Variants in LRFN5 observed in about 807,000 individuals in gnomAD.
LRFN5 encodes leucine rich repeat and fibronectin type III domain containing 5.
A neutral mutation model predicts 45.6 loss-of-function variants in LRFN5; 24 were observed. The observed-to-expected ratio is 0.53, with a 90% CI of 0.38 to 0.74. The LOEUF (loss-of-function observed/expected upper bound fraction) is 0.74. Ranked by LOEUF, LRFN5 falls within the 30% of genes least tolerant of loss-of-function variation. LRFN5 has a pLI of 0.00. For missense variants in LRFN5, 776 were observed against 861.5 expected, an observed-to-expected ratio of 0.90 and a Z score of 1.24; for synonymous variants, 340 against 313.8, an observed-to-expected ratio of 1.08 and a Z score of -0.88.
chr14:41,871,922 C>G (rs1355807619), intron 2 of LRFN5, among the ~76,000 whole-genome samples: 1 of 152,088 alleles, frequency 6.6e-6, no homozygotes, highest in East Asian at 1.9e-4. Flanking sequence ...TAACCAATAA[C>G]CATGTTGGTA....
chr14:41,891,605 T>C lies in LRFN5; in HGVS notation c.1741T>C (p.Cys581Arg). The change falls in exon 4 of 6, where the codon TGT becomes CGT. Residue 581 changes from cysteine (C) to arginine (R), a missense_variant. Transcript: ENST00000298119. The part of the protein sequence containing the change: ...SQTNGAQIQG[C>R]SVTLPQSVSK... ...AACTAACGGGGCTCAAATACAAGGCTGTAGTGTAACGCTGCCCCAGTCCGT... is the reference window on the plus strand; with the variant it reads ...AACTAACGGGGCTCAAATACAAGGCCGTAGTGTAACGCTGCCCCAGTCCGT... 1 of 1,614,198 alleles carries C rather than the reference T, an allele frequency of 6.2e-7. No homozygotes were observed. Among genetic ancestry groups the C allele is most frequent in the East Asian group, 2.2e-5 (1 of 44,880 alleles).
chr14:41,719,404 T>A (rs556828146), intron 1 of LRFN5, among the ~76,000 whole-genome samples: 28 of 151,286 alleles, frequency 1.9e-4, no homozygotes, highest in Admixed American at 1.8e-3. Context: ...TATATTCATA[T>A]TGTGTGGTAT....
intron 5 of LRFN5, among the ~76,000 whole-genome samples, chr14:41,903,946 C>T (rs1325097021): frequency 6.6e-6 from 1 of 151,728 alleles, no homozygotes; most frequent in Non-Finnish European, 1.5e-5. Flanking sequence ...ATATATTCAC[C>T]AATTGAAGTT....
intron 1 of LRFN5, among the ~76,000 whole-genome samples, chr14:41,632,987 T>G (rs1314326094): frequency 6.6e-6 from 1 of 152,138 alleles, no homozygotes; most frequent in African/African-American, 2.4e-5. Context: ...AAGTACAGAA[T>G]TTGCAGTCAG....
At chr14:41,643,691 C>T (rs775184710) in intron 1 of LRFN5, among the ~76,000 whole-genome samples, 1 of 148,908 alleles carries the variant, frequency 6.7e-6, no homozygotes, top group Non-Finnish European at 1.5e-5. Flanking sequence ...CGTGAGAGTG[C>T]ACACATAGAC....
chr14:41,749,282 G>A (rs1422116449), intron 1 of LRFN5, among the ~76,000 whole-genome samples: 1 of 152,078 alleles, frequency 6.6e-6, no homozygotes, highest in Non-Finnish European at 1.5e-5. Flanking sequence ...TGTCTTATAA[G>A]ACTGAATCCA....
chr14:41,772,769 C>T (rs889896881), intron 2 of LRFN5, among the ~76,000 whole-genome samples: 4 of 152,164 alleles, frequency 2.6e-5, no homozygotes, highest in African/African-American at 9.7e-5. Flanking sequence ...TACGGCTCAC[C>T]ATATACCAGT....
chr14:41,881,875 C>G (rs138504557), intron 2 of LRFN5, among the ~76,000 whole-genome samples: 24 of 152,246 alleles, frequency 1.6e-4, no homozygotes. Context: ...TGCATGATGT[C>G]CATCTTTTCC....
At chr14:41,764,411 T>A (rs1352144296) in intron 1 of LRFN5, among the ~76,000 whole-genome samples, 1 of 152,160 alleles carries the variant, frequency 6.6e-6, no homozygotes, top group East Asian at 1.9e-4. Context: ...TAAATCTTAA[T>A]AAAAGGTATG....
intron 2 of LRFN5, among the ~76,000 whole-genome samples, chr14:41,830,023 T>C (rs918202245): frequency 2.0e-5 from 3 of 151,370 alleles, no homozygotes; most frequent in Admixed American, 2.0e-4. Context: ...TAATTGTATC[T>C]TAATACATAA....
intron 1 of LRFN5, among the ~76,000 whole-genome samples, chr14:41,724,838 A>G (rs1003902986): frequency 1.3e-5 from 2 of 152,176 alleles, no homozygotes; most frequent in Non-Finnish European, 2.9e-5. Context: ...CCATAATAAA[A>G]GTCTCATTTA....
chr14:41,753,762 T>C (rs530539944), intron 1 of LRFN5, among the ~76,000 whole-genome samples: 1 of 152,298 alleles, frequency 6.6e-6, no homozygotes, highest in Non-Finnish European at 1.5e-5. Flanking sequence ...CTTTATTTCC[T>C]TCTCCTGCCT....
At chr14:41,734,009 TTTTTCTTTTC>T (rs1215544846) in intron 1 of LRFN5, among the ~76,000 whole-genome samples, 4 of 140,152 alleles carry the variant, frequency 2.9e-5, no homozygotes, top group East Asian at 2.1e-4. Flanking sequence ...ATATATATAT[TTTTTCTTTTC>T]TTTTCTTTTC....
At chr14:41,857,348 G>C (rs770905258) in intron 2 of LRFN5, among the ~76,000 whole-genome samples, 7 of 151,928 alleles carry the variant, frequency 4.6e-5, no homozygotes, top group Non-Finnish European at 8.8e-5. Context: ...CTGTTTCCCT[G>C]GAAACAGAAA....
In LRFN5 at chr14:41,894,208, A is replaced by G. The variant is rs939845417; in HGVS notation, c.2098+2246A>G. On this transcript the variant is annotated intron_variant, in intron 4 of 5. Transcript: ENST00000298119. ...GATAAGGATGCTCTGAAATCATGCA[A>G]CATTAGCAAGGTTAACATATGTACT... 4 of 985,162 alleles carry G rather than the reference A, an allele frequency of 4.1e-6. No homozygotes were observed. In the African/African-American group the frequency reaches 7.0e-5, roughly 17 times the overall value. The allele number at this position is 985,162 out of a possible 1,614,324, so 61.0% of individuals were successfully genotyped here.
intron 1 of LRFN5, among the ~76,000 whole-genome samples, chr14:41,634,294 G>A (rs1888652957): frequency 6.6e-6 from 1 of 151,896 alleles, no homozygotes; most frequent in African/African-American, 2.4e-5. Flanking sequence ...TTAATATATT[G>A]GAAGCCATAC....
At chr14:41,674,971 C>T (rs1225262380) in intron 1 of LRFN5, among the ~76,000 whole-genome samples, 1 of 150,850 alleles carries the variant, frequency 6.6e-6, no homozygotes, top group African/African-American at 2.4e-5. Flanking sequence ...GACGGGGCGG[C>T]AGGGCAAAGT....
intron 2 of LRFN5, among the ~76,000 whole-genome samples, chr14:41,885,354 A>T (rs1435172707): frequency 3.9e-5 from 6 of 151,922 alleles, no homozygotes; most frequent in Middle Eastern, 3.4e-3. Context: ...GAAAGAAAAA[A>T]AGAAAACCTG....
chr14:41,900,693 T>G (rs1454757907), intron 5 of LRFN5, among the ~76,000 whole-genome samples: 1 of 152,060 alleles, frequency 6.6e-6, no homozygotes, highest in Non-Finnish European at 1.5e-5. Context: ...TTGCTACCTT[T>G]CTATTATCAG....
Sources: gnomAD v4.1 joint callset for allele counts (sites outside exome capture counted in the v4.1 genomes callset) on GRCh38, gnomAD v4.1.1 for gene constraint, MANE v1.5 for transcripts, NCBI Gene and HGNC (gene_info 2026-07-23, HGNC 2026-07-21) for gene names.